The following DLD variants were observed in gnomAD, a reference collection of about 807,000 sequenced individuals.
DLD encodes dihydrolipoyl dehydrogenase, mitochondrial.
A neutral mutation model predicts 62.2 loss-of-function variants in DLD; 36 were observed. That is an observed-to-expected ratio of 0.58 (90% CI 0.44 to 0.76). DLD has a LOEUF of 0.76. Ranked by LOEUF, DLD falls within the 30% of genes least tolerant of loss-of-function variation. DLD has a pLI of 0.00. For synonymous variants in DLD, 204 were observed against 199.6 expected, an observed-to-expected ratio of 1.02 and a Z score of -0.19; for missense variants, 541 against 608.6, an observed-to-expected ratio of 0.89 and a Z score of 1.17.
intron 2 of DLD, among the ~76,000 whole-genome samples, chr7:107,898,390 C>T (rs1218583498): frequency 6.7e-6 from 1 of 149,816 alleles, no homozygotes; most frequent in Non-Finnish European, 1.5e-5. Context: ...AAGCGATTCT[C>T]CTGCCTCAGC....
At position 107,916,909 on chromosome 7, in the gene DLD, C is replaced by G. The variant is rs17624; in HGVS notation, c.991C>G (p.Leu331Val). 31 of 1,613,594 alleles carry G rather than the reference C, an allele frequency of 1.9e-5. No homozygotes were observed. In the Admixed American group the frequency reaches 3.8e-4, roughly 20 times the overall value. ...GGGACTAGAAGAGCTGGGAATTGAACTAGATCCCAGAGGTAGAATTCCAGT... is the reference window on the plus strand; with the variant it reads ...GGGACTAGAAGAGCTGGGAATTGAAGTAGATCCCAGAGGTAGAATTCCAGT... ...NLGLEELGIE[L>V]DPRGRIPVNT... The change falls in exon 10 of 14, where the codon CTA becomes GTA. Residue 331 changes from leucine to valine, a missense_variant. Transcript: ENST00000205402.
intron 1 of DLD, among the ~76,000 whole-genome samples, chr7:107,892,596 A>T (rs1399311142): frequency 6.6e-6 from 1 of 152,074 alleles, no homozygotes; most frequent in Non-Finnish European, 1.5e-5. Context: ...TCCAGGCTAG[A>T]GTGCAATGGC....
Position 107,920,747 on chromosome 7 carries a change from C to A in DLD, c.*1488C>A, listed in dbSNP as rs907473240. 6.6e-6 allele frequency: 1 copy of A among 152,202 alleles called. No homozygotes were observed. Among genetic ancestry groups the A allele is most frequent in the African/African-American group, 2.4e-5 (1 of 41,446 alleles). 9.4% of individuals were successfully genotyped at this position (152,202 alleles called of 1,614,324 possible). A position where few individuals can be genotyped will look rare whatever the true frequency, so the allele number is the denominator to read the frequency against. Reference sequence around the variant, plus strand: ...ACCAATAAAACTTGGCTTTTGTTTCCCCCTCAAGTGAGAACCCGTTAAAAA... The same window carrying A: ...ACCAATAAAACTTGGCTTTTGTTTCACCCTCAAGTGAGAACCCGTTAAAAA... On this transcript the variant is annotated 3_prime_UTR_variant, in exon 14 of 14. Coordinates refer to ENST00000205402, the MANE Select transcript of DLD (RefSeq NM_000108.5).
At chr7:107,909,562 A>G (rs2032088630) in intron 8 of DLD, among the ~76,000 whole-genome samples, 1 of 152,226 alleles carries the variant, frequency 6.6e-6, no homozygotes, top group African/African-American at 2.4e-5. Context: ...CTGATATCAA[A>G]ATATACTACA....
intron 5 of DLD, chr7:107,903,759 A>G (rs1472569896): frequency 6.8e-6 from 3 of 441,562 alleles, no homozygotes; most frequent in Non-Finnish European, 8.4e-6. Flanking sequence ...TAACCCTGCA[A>G]ATCCAGATTT....
intron 8 of DLD, among the ~76,000 whole-genome samples, chr7:107,914,669 CT>C (rs1000842625): frequency 6.6e-6 from 1 of 152,028 alleles, no homozygotes; most frequent in Admixed American, 6.5e-5. Context: ...GGAAGGTAAA[CT>C]TTTATAGTTC....
chr7:107,891,669 A>C, intron 1 of DLD: 1 of 357,558 alleles, frequency 2.8e-6, no homozygotes, highest in Non-Finnish European at 5.3e-6. Flanking sequence ...CCTTTTTCTC[A>C]TCCTAATTCT....
At chr7:107,917,586 A>G in intron 11 of DLD, 124 bp downstream of exon 11, 1 of 1,038,912 alleles carries the variant, frequency 9.6e-7, no homozygotes, top group Non-Finnish European at 1.5e-6. Context: ...TGTTTAGCTT[A>G]TATATTTTTC....
At chr7:107,916,612 C>T (rs1315126724) in intron 9 of DLD, among the ~76,000 whole-genome samples, 182 bp from the exon 10 acceptor site, 2 of 152,046 alleles carry the variant, frequency 1.3e-5, no homozygotes, top group Non-Finnish European at 2.9e-5. Context: ...GTGGAGGTTG[C>T]AGTGAGCCGA....
At chr7:107,917,164 G>A (rs2032290674) in intron 10 of DLD, 109 bp from the exon 11 acceptor site, 1 of 1,306,950 alleles carries the variant, frequency 7.7e-7, no homozygotes. Context: ...TGCATTTGAT[G>A]TATTTTTTGG....
intron 8 of DLD, among the ~76,000 whole-genome samples, chr7:107,906,574 T>TA (rs2032013792): frequency 6.6e-6 from 1 of 152,222 alleles, no homozygotes; most frequent in African/African-American, 2.4e-5. Context: ...TTTATTTTAG[T>TA]CTGTTTCCTT....
At chr7:107,917,494 T>A in intron 11 of DLD, 32 bp downstream of exon 11, 1 of 1,600,632 alleles carries the variant, frequency 6.2e-7, no homozygotes, top group Non-Finnish European at 8.6e-7. Context: ...TTTAAGCCAA[T>A]GTGTGAGTTG....
chr7:107,902,269 A>G, intron 3 of DLD, 56 bp from the exon 4 acceptor site: 1 of 1,472,062 alleles, frequency 6.8e-7, no homozygotes, highest in Non-Finnish European at 9.5e-7. Flanking sequence ...TTGGAATTTT[A>G]GTGATCTGAA....
intron 8 of DLD, among the ~76,000 whole-genome samples, chr7:107,908,769 C>G (rs188538590): frequency 6.6e-6 from 1 of 151,732 alleles, no homozygotes; most frequent in Admixed American, 6.6e-5. Context: ...TTTTTGAGTC[C>G]TTAGTATAAT....
intron 8 of DLD, among the ~76,000 whole-genome samples, chr7:107,913,587 C>T (rs1393978463): frequency 1.3e-5 from 2 of 151,542 alleles, no homozygotes; most frequent in Non-Finnish European, 2.9e-5. Flanking sequence ...ATTTTGTATC[C>T]TGCAACTTTA....
At chr7:107,913,965 A>C (rs1309434066) in intron 8 of DLD, among the ~76,000 whole-genome samples, 1 of 152,156 alleles carries the variant, frequency 6.6e-6, no homozygotes, top group Non-Finnish European at 1.5e-5. Flanking sequence ...CTTTTTCAGC[A>C]TCTGTTGAAG....
intron 8 of DLD, among the ~76,000 whole-genome samples, chr7:107,914,264 T>C (rs534505849): frequency 2.8e-4 from 42 of 152,146 alleles, no homozygotes; most frequent in Non-Finnish European, 5.3e-4. Context: ...GAGAATTCTT[T>C]ATATATTCTG....
At chr7:107,917,071 G>C (rs568478988) in intron 10 of DLD, 107 bp downstream of exon 10, 154 of 1,258,790 alleles carry the variant, frequency 1.2e-4, no homozygotes, top group Non-Finnish European at 1.6e-4. Flanking sequence ...CTTTGGGGAA[G>C]AATAGTAAAC....
chr7:107,895,984 G>C (rs564489293), intron 2 of DLD, among the ~76,000 whole-genome samples: 1 of 152,326 alleles, frequency 6.6e-6, no homozygotes, highest in African/African-American at 2.4e-5. Context: ...AGATGGAACA[G>C]ATCGTACATA....
Sources: gnomAD v4.1 joint callset for allele counts (sites outside exome capture counted in the v4.1 genomes callset) on GRCh38, gnomAD v4.1.1 for gene constraint, MANE v1.5 for transcripts, NCBI Gene and HGNC (gene_info 2026-07-23, HGNC 2026-07-21) for gene names.